GPR158: variants seen among roughly 807,000 people sequenced by gnomAD.
GPR158 encodes G protein-coupled receptor 158.
Under a neutral mutation model 78.2 loss-of-function variants are expected in GPR158, and 30 were observed. The observed-to-expected ratio is 0.38, with a 90% CI of 0.29 to 0.52. The LOEUF is 0.52. Ranked by LOEUF, GPR158 falls within the 20% of genes least tolerant of loss-of-function variation. The probability of loss-of-function intolerance (pLI) is 0.83; values close to 1 mark genes in which losing one functional copy is unlikely to be tolerated. For synonymous variants in GPR158, 581 were observed against 591.1 expected, an observed-to-expected ratio of 0.98 and a Z score of 0.25; for missense variants, 1,463 against 1,523.5, an observed-to-expected ratio of 0.96 and a Z score of 0.66.
chr10:25,433,531 G>GGGGTGT (rs545312367), intron 4 of GPR158, among the ~76,000 whole-genome samples: 33 of 140,288 alleles, frequency 2.4e-4, no homozygotes, highest in African/African-American at 7.4e-4. Flanking sequence ...TTTAGTTAGG[G>GGGGTGT]GTGTGTGTGT....
intron 4 of GPR158, among the ~76,000 whole-genome samples, chr10:25,442,574 A>G (rs1835082683): frequency 6.6e-6 from 1 of 151,900 alleles, no homozygotes; most frequent in African/African-American, 2.4e-5. Context: ...CAGTATATTA[A>G]TACGTCAGTA....
intron 2 of GPR158, among the ~76,000 whole-genome samples, chr10:25,223,235 A>C (rs112009707): frequency 0.016 from 2,403 of 152,306 alleles, 65 homozygotes; most frequent in African/African-American, 0.055. Flanking sequence ...AAAGAGGCTG[A>C]GTGATCAAAA....
intron 3 of GPR158, among the ~76,000 whole-genome samples, chr10:25,410,671 A>C (rs1482679786): frequency 6.6e-6 from 1 of 152,204 alleles, no homozygotes; most frequent in Non-Finnish European, 1.5e-5. Context: ...TTCATGTTTC[A>C]TAAATAAGTA....
chr10:25,303,428 T>C (rs1854627191), intron 2 of GPR158, among the ~76,000 whole-genome samples: 1 of 152,204 alleles, frequency 6.6e-6, no homozygotes, highest in South Asian at 2.1e-4. Flanking sequence ...GCATTTTTAC[T>C]GTAATTTAGA....
intron 5 of GPR158, among the ~76,000 whole-genome samples, chr10:25,476,639 C>T (rs1449027400): frequency 6.6e-6 from 1 of 152,138 alleles, no homozygotes; most frequent in Admixed American, 6.5e-5. Context: ...TCAGATTCAT[C>T]CACCTTTTTT....
intron 2 of GPR158, among the ~76,000 whole-genome samples, chr10:25,353,335 A>C (rs1588818400): frequency 6.6e-6 from 1 of 152,174 alleles, no homozygotes; most frequent in East Asian, 1.9e-4. Flanking sequence ...GCCTAATTAG[A>C]ATTGTTGAAT....
At chr10:25,330,906 C>T (rs982289076) in intron 2 of GPR158, among the ~76,000 whole-genome samples, 2 of 152,216 alleles carry the variant, frequency 1.3e-5, no homozygotes, top group Non-Finnish European at 2.9e-5. Context: ...AAATAGTAAT[C>T]GAATAGTAAA....
chr10:25,251,832 C>T (rs1288352229), intron 2 of GPR158, among the ~76,000 whole-genome samples: 1 of 150,368 alleles, frequency 6.7e-6, no homozygotes, highest in East Asian at 2.0e-4. Flanking sequence ...GTGGCGTTCT[C>T]TGTATTTCCT....
At chr10:25,254,268 TAA>T (rs1286549195) in intron 2 of GPR158, among the ~76,000 whole-genome samples, 4 of 152,342 alleles carry the variant, frequency 2.6e-5, no homozygotes, top group African/African-American at 9.6e-5. Context: ...GATACCTTGA[TAA>T]AAGTGTTTTT....
intron 5 of GPR158, among the ~76,000 whole-genome samples, chr10:25,537,353 TTGAC>T (rs1836514213): frequency 2.0e-5 from 3 of 152,220 alleles, no homozygotes; most frequent in Admixed American, 6.5e-5. Flanking sequence ...ATATACTTCT[TTGAC>T]TGTATCATGA....
At chr10:25,280,973 A>G (rs1854261304) in intron 2 of GPR158, among the ~76,000 whole-genome samples, 1 of 151,854 alleles carries the variant, frequency 6.6e-6, no homozygotes, top group Admixed American at 6.5e-5. Context: ...CCTCTCTACT[A>G]AAAATGCAAA....
chr10:25,520,803 T>A (rs2130681731), intron 5 of GPR158, among the ~76,000 whole-genome samples: 1 of 152,332 alleles, frequency 6.6e-6, no homozygotes, highest in East Asian at 1.9e-4. Context: ...CAGCAGAGGT[T>A]ACTGCTGTCT....
chr10:25,241,711 C>T (rs1220966757), intron 2 of GPR158, among the ~76,000 whole-genome samples: 3 of 152,060 alleles, frequency 2.0e-5, no homozygotes, highest in Non-Finnish European at 2.9e-5. Flanking sequence ...TGTGAGCCAC[C>T]GTGCCTGGCC....
At chr10:25,593,895 G>C (rs1483534114) in intron 8 of GPR158, among the ~76,000 whole-genome samples, 2 of 151,944 alleles carry the variant, frequency 1.3e-5, no homozygotes, top group Non-Finnish European at 2.9e-5. Flanking sequence ...TTTAAACATT[G>C]ATGCTTTGTA....
At chr10:25,297,440 G>A (rs1352908856) in intron 2 of GPR158, among the ~76,000 whole-genome samples, 1 of 152,138 alleles carries the variant, frequency 6.6e-6, no homozygotes, top group Non-Finnish European at 1.5e-5. Context: ...CCAAAGAATT[G>A]TTTTGTGTTG....
At chr10:25,317,079 A>T (rs2130472158) in intron 2 of GPR158, among the ~76,000 whole-genome samples, 1 of 150,114 alleles carries the variant, frequency 6.7e-6, no homozygotes, top group African/African-American at 2.5e-5. Context: ...ACAAGGTCTC[A>T]CTCACCCAGG....
chr10:25,297,633 T>A (rs1369439779), intron 2 of GPR158, among the ~76,000 whole-genome samples: 2 of 152,204 alleles, frequency 1.3e-5, no homozygotes, highest in African/African-American at 4.8e-5. Context: ...GTACGTTGAA[T>A]TTATCAAAGT....
chr10:25,408,549 A>AGTG (rs1834545386), intron 3 of GPR158, among the ~76,000 whole-genome samples: 1 of 152,096 alleles, frequency 6.6e-6, no homozygotes, highest in Non-Finnish European at 1.5e-5. Flanking sequence ...TGTAGTCACC[A>AGTG]TCCTCAGACC....
chr10:25,212,561 A>G (rs1367682307), intron 1 of GPR158, among the ~76,000 whole-genome samples: 1 of 150,604 alleles, frequency 6.6e-6, no homozygotes, highest in Non-Finnish European at 1.5e-5. Context: ...GTTCTTCATT[A>G]AGAGTTTTCA....
Sources: allele counts gnomAD v4.1 joint callset (sites outside exome capture counted in the v4.1 genomes callset), GRCh38; gene constraint gnomAD v4.1.1; transcripts MANE v1.5; gene names NCBI Gene and HGNC (gene_info 2026-07-23, HGNC 2026-07-21).